The following KCNG4 variants were observed in gnomAD, a reference collection of about 807,000 sequenced individuals.
KCNG4 encodes the protein voltage-gated potassium channel regulatory subunit KCNG4.
A neutral mutation model predicts 28.2 loss-of-function variants in KCNG4; 30 were observed. The ratio of observed to expected loss-of-function variants is 1.06; its 90% CI spans 0.80 to 1.44. KCNG4 has a LOEUF of 1.44. Among genes scored for constraint, KCNG4 ranks in the 40% most tolerant of loss-of-function variants. KCNG4 has a pLI of 0.00. For missense variants in KCNG4, 879 were observed against 712.3 expected (o/e 1.23, Z -2.66); for synonymous variants, 375 against 315.5 (o/e 1.19, Z -2.00).
chr16:84,232,004 CAAAAAA>C (rs11298495), intron 2 of KCNG4, among the ~76,000 whole-genome samples: 3 of 100,076 alleles, frequency 3.0e-5, no homozygotes, highest in African/African-American at 7.9e-5. Flanking sequence ...AACTCCATCT[CAAAAAA>C]AAAAAAAAAA....
intron 2 of KCNG4, among the ~76,000 whole-genome samples, chr16:84,232,603 A>G (rs956459748): frequency 1.2e-4 from 19 of 152,146 alleles, no homozygotes; most frequent in Non-Finnish European, 2.6e-4. Context: ...TCAACTCAGA[A>G]AAATGAAGCA....
rs1904706873 is a variant in KCNG4 at position 84,226,742 on chromosome 16, G to A, written c.757-3722C>T. 9.0e-6 allele frequency among the ~76,000 whole-genome samples: 1 copy of A among 111,434 alleles called. No homozygotes were observed. The highest frequency in any genetic ancestry group is 2.1e-5 in the Non-Finnish European group (1 of 47,204). The allele number at this position is 111,434 out of a possible 152,430, so 73.1% of individuals were successfully genotyped here. ...AAAAATACAAAAATTAGCCAGGCAT[G>A]GTGACACATGCCTGTAATCCCAGCT... On this transcript the variant is annotated intron_variant, in intron 2 of 2. Transcript: ENST00000308251. The surrounding 1 kb of genome is among the most constrained non-coding windows in gnomAD (Gnocchi z 4.1).
At chr16:84,223,874 G>A (rs1405475423) in intron 2 of KCNG4, among the ~76,000 whole-genome samples, 1 of 152,184 alleles carries the variant, frequency 6.6e-6, no homozygotes, top group Non-Finnish European at 1.5e-5. Flanking sequence ...ATGGCTTGAA[G>A]GCTGGTGGGG....
In KCNG4 at chr16:84,222,544, C is replaced by G. The variant is rs752680438; in HGVS notation, c.1233G>C (p.Trp411Cys). 1 of 1,613,592 alleles carries G rather than the reference C, an allele frequency of 6.2e-7. No individual in the cohort carries two copies. The highest frequency in any genetic ancestry group is 8.5e-7 in the Non-Finnish European group (1 of 1,179,984). The change falls in exon 3 of 3, where the codon TGG (tryptophan) becomes TGC (cysteine). Residue 411 changes from tryptophan (W) to cysteine (C), a missense_variant. Coordinates refer to ENST00000308251, the MANE Select transcript of KCNG4 (RefSeq NM_172347.3). ...CCACCGTTGTCATGGAGATGATGGCCCACCAATAGGAGGCGGGGATGCTGG... is the reference window on the plus strand; with the variant it reads ...CCACCGTTGTCATGGAGATGATGGCGCACCAATAGGAGGCGGGGATGCTGG... Reference protein sequence around the residue: ...EFTSIPASYWWAIISMTTVGY... With the variant: ...EFTSIPASYWCAIISMTTVGY...
In KCNG4 at chr16:84,237,482, G is replaced by C; in HGVS notation, c.4C>G (p.Pro2Ala). MPMPSRDGGLHP... is the reference protein window; with the variant it reads MAMPSRDGGLHP... The stretch of plus-strand genomic sequence containing the variant: ...AGGCCCCCGTCTCTGGAAGGCATGG[G>C]CATTGCTGAAGACCACCAGGTAGGA... Residue 2 changes from proline to alanine, a missense_variant, in exon 2 of 3, where the codon CCC becomes GCC. Physicochemically the swap from Pro to Ala is conservative, Grantham distance 27. Transcript: ENST00000308251. The C allele has an allele frequency of 6.7e-7, 1 of 1,494,426 alleles. No individual in the cohort carries two copies. Among genetic ancestry groups the C allele is most frequent in the Non-Finnish European group, 8.9e-7 (1 of 1,122,684 alleles). 92.6% of individuals were successfully genotyped at this position (1,494,426 alleles called of 1,614,324 possible).
At chr16:84,228,688 C>T (rs1403392183) in intron 2 of KCNG4, among the ~76,000 whole-genome samples, 1 of 151,764 alleles carries the variant, frequency 6.6e-6, no homozygotes, top group Non-Finnish European at 1.5e-5. Flanking sequence ...CTGGAACCAA[C>T]CGGACGGGGT....
chr16:84,236,730 C>A lies in KCNG4; in HGVS notation c.756G>T (p.Gln252His), dbSNP rs1381607725. The A allele has an allele frequency of 3.7e-6, 6 of 1,606,182 alleles. No individual in the cohort carries two copies. The highest frequency in any genetic ancestry group is 5.1e-6 in the Non-Finnish European group (6 of 1,174,986). The change falls in exon 2 of 3, where the codon CAG becomes CAT. Residue 252 changes from glutamine to histidine, a missense_variant and splice_region_variant. Physicochemically the swap from Gln to His is conservative, Grantham distance 24. Coordinates refer to ENST00000308251, the MANE Select transcript of KCNG4 (RefSeq NM_172347.3). The part of the protein sequence containing the change: ...TMPDLRAEED[Q>H]GECSRKCYYI... The stretch of plus-strand genomic sequence containing the variant: ...GTGAATGCCATCAGAGGCCGCTCAC[C>A]TGGTCCTCCTCTGCCCTGAGGTCGG...
At chr16:84,232,346 G>T (rs976943087) in intron 2 of KCNG4, among the ~76,000 whole-genome samples, 2 of 152,192 alleles carry the variant, frequency 1.3e-5, no homozygotes, top group African/African-American at 2.4e-5. Flanking sequence ...CACCTGGCAC[G>T]ATTCTGTTTC....
chr16:84,223,389 C>T (rs1480062639), intron 2 of KCNG4, among the ~76,000 whole-genome samples: 1 of 152,124 alleles, frequency 6.6e-6, no homozygotes, highest in Non-Finnish European at 1.5e-5. Context: ...TGGACCAGCG[C>T]CCCAGGGGAG....
intron 2 of KCNG4, among the ~76,000 whole-genome samples, chr16:84,230,069 C>T (rs903955283): frequency 1.7e-4 from 26 of 151,906 alleles, no homozygotes; most frequent in African/African-American, 5.5e-4. Flanking sequence ...GAGCTGCATC[C>T]CGGGGAGGAG....
rs956126549 is a variant in KCNG4 at position 84,218,733 on chromosome 16, A to C, written c.*3484T>G. On this transcript the variant is annotated 3_prime_UTR_variant, in exon 3 of 3. Transcript: ENST00000308251. ...TGCGAGCAATCAATTCCAATTTTCC[A>C]TGTCTAATTTAGCAGAGAATCTCAA... The C allele has an allele frequency of 2.6e-5, 4 of 152,212 alleles. No homozygotes were observed. The highest frequency in any genetic ancestry group is 9.6e-5 in the African/African-American group (4 of 41,454). The allele number at this position is 152,212 out of a possible 1,614,324, so 9.4% of individuals were successfully genotyped here. A position where few individuals can be genotyped will look rare whatever the true frequency, so the allele number is the denominator to read the frequency against.
intron 2 of KCNG4, among the ~76,000 whole-genome samples, chr16:84,224,026 G>C (rs1301757156): frequency 6.6e-6 from 1 of 152,120 alleles, no homozygotes; most frequent in Non-Finnish European, 1.5e-5. Context: ...CAGTAGTTCA[G>C]GGTAGTTCCA....
In KCNG4 at chr16:84,236,861, C is replaced by T. The variant is rs574061788; in HGVS notation, c.625G>A (p.Glu209Lys). ...CCGGACTGCGGGTTTTCCACCATCT[C>T]GCGCAGCCGGTTCATGCACAGGCCC... ...RWGLCMNRLR[E>K]MVENPQSGLP... The change falls in exon 2 of 3, where the codon GAG becomes AAG. Residue 209 changes from glutamate (E) to lysine (K), a missense_variant. By Grantham distance (56) the Glu-to-Lys change is moderately conservative. Coordinates refer to ENST00000308251, the MANE Select transcript of KCNG4 (RefSeq NM_172347.3). The T allele has an allele frequency of 1.0e-4, 166 of 1,613,570 alleles. No individual in the cohort carries two copies. The highest frequency in any genetic ancestry group is 1.4e-4 in the Non-Finnish European group (160 of 1,180,022).
intron 2 of KCNG4, 187 bp downstream of exon 2, chr16:84,236,543 A>T: frequency 2.4e-6 from 2 of 844,260 alleles, no homozygotes; most frequent in Non-Finnish European, 1.7e-6. Flanking sequence ...ACTCCAATAA[A>T]AAAAAAAAAG....
chr16:84,237,177 A>G lies in KCNG4; in HGVS notation c.309T>C (p.Asp103=), dbSNP rs753267803. The part of the protein sequence containing the change: ...SYEEIVQLCD[D]YDEDSQEFFF... ...AGAACTCCTGGCTGTCCTCGTCGTA[A>G]TCATCGCAGAGCTGCACGATCTCCT... The change falls in exon 2 of 3, where the codon GAT becomes GAC. Residue 103 remains aspartate, a synonymous_variant. Transcript: ENST00000308251. The G allele has an allele frequency of 6.2e-7, 1 of 1,614,106 alleles. No individual in the cohort carries two copies. The highest frequency in any genetic ancestry group is 8.5e-7 in the Non-Finnish European group (1 of 1,180,022).
chr16:84,229,934 GT>G (rs1280454890), intron 2 of KCNG4, among the ~76,000 whole-genome samples: 1 of 152,242 alleles, frequency 6.6e-6, no homozygotes, highest in Non-Finnish European at 1.5e-5. Context: ...GAGCAGGCCA[GT>G]TTTTTAGGAA....
chr16:84,224,797 G>A (rs569928506), intron 2 of KCNG4, among the ~76,000 whole-genome samples: 4 of 152,338 alleles, frequency 2.6e-5, no homozygotes, highest in Admixed American at 2.6e-4. Flanking sequence ...GAGAGGGTCA[G>A]TGGCCAGTGC....
intron 2 of KCNG4, among the ~76,000 whole-genome samples, chr16:84,224,439 C>CACACACACACAG (rs1567624061): frequency 1.3e-5 from 2 of 152,026 alleles, no homozygotes; most frequent in Non-Finnish European, 2.9e-5. Context: ...CACACACACA[C>CACACACACACAG]AGATATGTAT....
In KCNG4 at chr16:84,234,637, C is replaced by T. The variant is rs1055834824; in HGVS notation, c.756+2093G>A. Among the ~76,000 whole-genome samples, 6 of 152,134 alleles carry T rather than the reference C, an allele frequency of 3.9e-5. No homozygotes were observed. In the East Asian group the frequency reaches 7.7e-4, roughly 20 times the overall value. The stretch of plus-strand genomic sequence containing the variant: ...ATGGAAGAGTTCTGTGGGTTATAGC[C>T]CTGGGATCTGTTCCCCCACCCATCG... On this transcript the variant is annotated intron_variant, in intron 2 of 2. Coordinates refer to ENST00000308251, the MANE Select transcript of KCNG4 (RefSeq NM_172347.3).
Sources: allele counts gnomAD v4.1 joint callset (sites outside exome capture counted in the v4.1 genomes callset), GRCh38; gene constraint gnomAD v4.1.1; non-coding constraint Gnocchi (gnomAD v3.1); transcripts MANE v1.5; gene names NCBI Gene and HGNC (gene_info 2026-07-23, HGNC 2026-07-21).